The following FRMD3 variants were observed in gnomAD, a reference collection of about 807,000 sequenced individuals.
FRMD3 encodes the protein FERM domain-containing protein 3.
Under a neutral mutation model 70.2 loss-of-function variants are expected in FRMD3, and 33 were observed. The observed-to-expected ratio is 0.47, with a 90% CI of 0.36 to 0.63. The LOEUF (loss-of-function observed/expected upper bound fraction) is 0.63, where lower values mean the gene tolerates loss of function less well. FRMD3 is among the 20% of genes least tolerant of loss of function. The pLI, the probability that FRMD3 is intolerant of heterozygous loss-of-function variation, is 0.00. For missense variants in FRMD3, 632 were observed against 711.4 expected (o/e 0.89, Z 1.27); for synonymous variants, 279 against 255.9 (o/e 1.09, Z -0.86).
intron 6 of FRMD3, among the ~76,000 whole-genome samples, chr9:83,334,502 T>C (rs1044287923): frequency 6.6e-6 from 1 of 152,204 alleles, no homozygotes; most frequent in Non-Finnish European, 1.5e-5. Flanking sequence ...CCAGAATGCA[T>C]AATCCAATGA....
chr9:83,569,966 T>C, the FRMD3 span, among the ~76,000 whole-genome samples: 2 of 152,332 alleles, frequency 1.3e-5, no homozygotes, highest in African/African-American at 4.8e-5. Flanking sequence ...TTCTCCAGAA[T>C]GTCGGATTCT....
the FRMD3 span, among the ~76,000 whole-genome samples, chr9:83,548,138 C>A: frequency 2.0e-5 from 3 of 152,176 alleles, no homozygotes; most frequent in Admixed American, 2.0e-4. Flanking sequence ...TAAAATGGTA[C>A]AGCCACTTTG....
Position 83,436,457 on chromosome 9 carries a change from G to GGT in FRMD3, c.148-46750_148-46749insAC, listed in dbSNP as rs1380086821. 4.4e-3 allele frequency among the ~76,000 whole-genome samples: 472 copies of GGT among 108,290 alleles called. 12 individuals are homozygous for GGT. In the South Asian group the frequency reaches 0.081, roughly 18 times the overall value. The allele number at this position is 108,290 out of a possible 152,430, so 71.0% of individuals were successfully genotyped here. A position where few individuals can be genotyped will look rare whatever the true frequency, so the allele number is the denominator to read the frequency against. On this transcript the variant is annotated intron_variant, in intron 1 of 13. Transcript: ENST00000304195. ...TCCTTTGCCAAATTTTAATTAATAA[G>GGT]ATGTGTGTGTGTGTGTGTGTGTGTG... is the stretch of plus-strand genomic sequence containing the variant.
rs557108873 is a variant in FRMD3, at chr9:83,288,467, C to G, written c.1195+2136G>C. 5.3e-5 allele frequency among the ~76,000 whole-genome samples: 8 copies of G among 152,300 alleles called. 1 individual carries two copies. In the South Asian group the frequency reaches 1.7e-3, roughly 32 times the overall value. On this transcript the variant is annotated intron_variant, in intron 13 of 13. Coordinates refer to ENST00000304195, the MANE Select transcript of FRMD3 (RefSeq NM_174938.6). ...TCTTGCTTTTTAATTGAGTCTATAT[C>G]ATGAAAGTTGTCATGACTTGTCTGA...
intron 1 of FRMD3, among the ~76,000 whole-genome samples, chr9:83,470,414 C>G (rs1284817612): frequency 2.0e-5 from 3 of 152,220 alleles, no homozygotes; most frequent in Non-Finnish European, 2.9e-5. Context: ...TCAGTTACCT[C>G]AGATCTCTCT....
At chr9:83,393,741 G>A (rs117676248) in intron 1 of FRMD3, among the ~76,000 whole-genome samples, 5,911 of 152,034 alleles carry the variant, frequency 0.039, 227 homozygotes, top group Admixed American at 0.096. Context: ...CTGACAGGAG[G>A]TGGAGCTCAG....
At chr9:83,558,368 A>G in the FRMD3 span, among the ~76,000 whole-genome samples, 1 of 152,186 alleles carries the variant, frequency 6.6e-6, no homozygotes, top group Non-Finnish European at 1.5e-5. Context: ...CCAAATTTGG[A>G]GAAGTAAAGT....
the FRMD3 span, among the ~76,000 whole-genome samples, chr9:83,559,635 A>C: frequency 6.6e-6 from 1 of 152,166 alleles, no homozygotes; most frequent in Non-Finnish European, 1.5e-5. Flanking sequence ...ATATGTTTCA[A>C]CCTATCATTT....
At chr9:83,536,844 T>C (rs1829901665) in intron 1 of FRMD3, among the ~76,000 whole-genome samples, 1 of 150,554 alleles carries the variant, frequency 6.6e-6, no homozygotes, top group Non-Finnish European at 1.5e-5. Context: ...CTTCATGGTT[T>C]GCACAGCCTA....
Position 83,505,596 on chromosome 9 carries a change from A to G in FRMD3, c.147+32489T>C, listed in dbSNP as rs150411792. On this transcript the variant is annotated intron_variant, in intron 1 of 13. Coordinates refer to ENST00000304195, the MANE Select transcript of FRMD3 (RefSeq NM_174938.6). ...TCCTGACTCTACAGCTGCAAAGTGC[A>G]CCTGGCCTGCAGGTTCAGCACAACA... 6.3e-3 allele frequency among the ~76,000 whole-genome samples: 953 copies of G among 152,314 alleles called. 12 individuals carry two copies. Among genetic ancestry groups the G allele is most frequent in the African/African-American group, 0.022 (901 of 41,578 alleles).
chr9:83,380,202 C>T (rs1825312564), intron 2 of FRMD3, among the ~76,000 whole-genome samples: 1 of 152,194 alleles, frequency 6.6e-6, no homozygotes, highest in South Asian at 2.1e-4. Flanking sequence ...TCCCAGTTTG[C>T]AGAATTGTTG....
At position 83,389,944 on chromosome 9, in the gene FRMD3, C is replaced by G. The variant is rs534366280; in HGVS notation, c.148-236G>C. On this transcript the variant is annotated intron_variant, in intron 1 of 13. Transcript: ENST00000304195. ...CACACACACACGGAACCAAAAGGAC[C>G]CCAAAAAGAGCAGTCAAAATAATCC... Among the ~76,000 whole-genome samples the G allele has an allele frequency of 2.0e-5, 3 of 152,132 alleles. No individual in the cohort carries two copies. In the East Asian group the frequency reaches 5.8e-4, roughly 29 times the overall value.
At chr9:83,253,800 A>G (rs1832542821) in intron 13 of FRMD3, among the ~76,000 whole-genome samples, 1 of 152,210 alleles carries the variant, frequency 6.6e-6, no homozygotes, top group African/African-American at 2.4e-5. Context: ...ATGCTGCTAT[A>G]AAGACACATG....
downstream of FRMD3, chr9:83,243,277 G>A: frequency 1.3e-6 from 2 of 1,508,318 alleles, no homozygotes; most frequent in Non-Finnish European, 1.8e-6. Flanking sequence ...GAAGCAGGAG[G>A]ACAAGTAAGC....
chr9:83,413,392 C>CA (rs1564065472), intron 1 of FRMD3, among the ~76,000 whole-genome samples: 1 of 152,170 alleles, frequency 6.6e-6, no homozygotes, highest in Non-Finnish European at 1.5e-5. Context: ...CCCCAGCATC[C>CA]ATACACGAGG....
At chr9:83,557,175 G>T in the FRMD3 span, among the ~76,000 whole-genome samples, 1 of 152,116 alleles carries the variant, frequency 6.6e-6, no homozygotes, top group Non-Finnish European at 1.5e-5. Flanking sequence ...CTCAAATTTT[G>T]ATTTATCTGC....
chr9:83,439,351 G>C (rs954839465), intron 1 of FRMD3, among the ~76,000 whole-genome samples: 4 of 152,170 alleles, frequency 2.6e-5, no homozygotes, highest in African/African-American at 9.7e-5. Context: ...ACTGAGTCTG[G>C]AGCCTTTTCT....
At chr9:83,555,338 T>C in the FRMD3 span, among the ~76,000 whole-genome samples, 1 of 151,704 alleles carries the variant, frequency 6.6e-6, no homozygotes, top group South Asian at 2.1e-4. Context: ...GAGGCCCCAG[T>C]TGGGAGGTCC....
In FRMD3 at chr9:83,245,896, T is replaced by G; in HGVS notation, c.*2022A>C. ...GCTTCCAAAATAAATTGTTGAGGAT[T>G]CCAATCACAGAAAATATATTCCTAA... On this transcript the variant is annotated 3_prime_UTR_variant, in exon 14 of 14. Transcript: ENST00000304195. The G allele has an allele frequency of 1.0e-6, 1 of 983,424 alleles. No individual in the cohort carries two copies. Among genetic ancestry groups the G allele is most frequent in the Non-Finnish European group, 1.2e-6 (1 of 828,234 alleles). 60.9% of individuals were successfully genotyped at this position (983,424 alleles called of 1,614,324 possible). A position where few individuals can be genotyped will look rare whatever the true frequency, so the allele number is the denominator to read the frequency against.
Sources: gnomAD v4.1 joint callset for allele counts (sites outside exome capture counted in the v4.1 genomes callset) on GRCh38, gnomAD v4.1.1 for gene constraint, MANE v1.5 for transcripts, NCBI Gene and HGNC (gene_info 2026-07-23, HGNC 2026-07-21) for gene names.